APBB2: variants seen among roughly 807,000 people sequenced by gnomAD.
The protein encoded by APBB2 is amyloid beta precursor protein binding family B member 2.
In APBB2, 38 loss-of-function variants were observed where a neutral mutation model predicts 82.5. The observed-to-expected ratio is 0.46, with a 90% CI of 0.36 to 0.60. The LOEUF is 0.60. Ranked by LOEUF, APBB2 falls within the 20% of genes least tolerant of loss-of-function variation. The pLI is 0.00. For missense variants in APBB2, 772 were observed against 972.3 expected, an observed-to-expected ratio of 0.79 and a Z score of 2.74; for synonymous variants, 341 against 368.2, an observed-to-expected ratio of 0.93 and a Z score of 0.85.
chr4:40,906,289 T>C (rs1776678796), intron 10 of APBB2, among the ~76,000 whole-genome samples: 1 of 150,996 alleles, frequency 6.6e-6, no homozygotes, highest in African/African-American at 2.4e-5. Context: ...ACCCTGTTTC[T>C]ACAAAAAAAT....
chr4:40,977,507 T>G (rs1797476632), intron 6 of APBB2, among the ~76,000 whole-genome samples: 1 of 152,140 alleles, frequency 6.6e-6, no homozygotes, highest in Non-Finnish European at 1.5e-5. Context: ...AAGACAGAGT[T>G]TCGCCATGTT....
rs1191918575 is a variant in APBB2 at position 41,119,403 on chromosome 4, T to C, written c.-260-18653A>G. Among the ~76,000 whole-genome samples the C allele has an allele frequency of 2.0e-5, 3 of 151,432 alleles. No homozygotes were observed. The East Asian group carries it at 5.8e-4, about 29-fold the overall frequency. On this transcript the variant is annotated intron_variant, in intron 2 of 17. Transcript: ENST00000508593. ...TATACAACACTAACATGTTTCGGGC[T>C]CCAAGTTCTCCAGCTTAATTCACTA... is the stretch of plus-strand genomic sequence containing the variant.
At position 41,013,792 on chromosome 4, in the gene APBB2, T is replaced by C. The variant is rs1560524603; in HGVS notation, c.626A>G (p.Gln209Arg). The change falls in exon 6 of 18, where the codon CAG becomes CGG. Residue 209 changes from glutamine to arginine, a missense_variant. Coordinates refer to ENST00000508593, the MANE Select transcript of APBB2 (RefSeq NM_004307.2). The part of the protein sequence containing the change: ...TIIGNGDLLL[Q>R]KPNRPQSSPE... The stretch of plus-strand genomic sequence containing the variant: ...GCTGGACTGGGGTCTGTTTGGTTTC[T>C]GCAGCAGCAAATCGCCATTCCCAAT... 2 of 1,614,250 alleles carry C rather than the reference T, an allele frequency of 1.2e-6. No homozygotes were observed. The highest frequency in any genetic ancestry group is 1.1e-5 in the South Asian group (1 of 91,084).
intron 2 of APBB2, among the ~76,000 whole-genome samples, chr4:41,140,138 G>T (rs1199226986): frequency 6.6e-6 from 1 of 152,174 alleles, no homozygotes; most frequent in Non-Finnish European, 1.5e-5. Context: ...AAAACAGAAA[G>T]CTGACTGAGG....
At chr4:40,880,828 G>A in intron 12 of APBB2, 1 of 985,334 alleles carries the variant, frequency 1.0e-6, no homozygotes, top group Non-Finnish European at 1.2e-6. Context: ...GGCTGCTACT[G>A]AAACATGCTC....
chr4:41,195,144 C>T, intron 1 of APBB2, among the ~76,000 whole-genome samples: 1 of 152,132 alleles, frequency 6.6e-6, no homozygotes, highest in East Asian at 1.9e-4. Context: ...CCGTTATACT[C>T]CCAAACCTAC....
chr4:40,865,207 T>C (rs919297119), intron 12 of APBB2, among the ~76,000 whole-genome samples: 9 of 152,198 alleles, frequency 5.9e-5, no homozygotes, highest in Non-Finnish European at 1.2e-4. Flanking sequence ...CGCCCTGGCT[T>C]GCTCTCCCTG....
chr4:41,172,503 A>G (rs1768588815), intron 1 of APBB2, among the ~76,000 whole-genome samples: 1 of 152,160 alleles, frequency 6.6e-6, no homozygotes, highest in East Asian at 1.9e-4. Flanking sequence ...AACTACCACC[A>G]TTTCAAATGA....
At chr4:41,204,394 G>A (rs1020225037) in intron 1 of APBB2, among the ~76,000 whole-genome samples, 9 of 152,162 alleles carry the variant, frequency 5.9e-5, no homozygotes, top group African/African-American at 1.7e-4. Context: ...AACCGAGGTG[G>A]GAGGGAAGGT....
At chr4:41,204,475 A>G (rs7685311) in intron 1 of APBB2, among the ~76,000 whole-genome samples, 27,364 of 152,080 alleles carry the variant, frequency 0.18, 3,104 homozygotes, top group African/African-American at 0.32. Flanking sequence ...GAACCATAAG[A>G]TAGAGGTCCA....
rs115674004 is a variant in APBB2, at chr4:40,864,120, G to A, written c.1529+26244C>T. ...ACAAATACAAATATTAGCTGGGTGTGGTGGCGCCGAGTAATCTCAGCTACT... is the reference window on the plus strand; with the variant it reads ...ACAAATACAAATATTAGCTGGGTGTAGTGGCGCCGAGTAATCTCAGCTACT... On this transcript the variant is annotated intron_variant, in intron 12 of 17. Transcript: ENST00000508593. Among the ~76,000 whole-genome samples the A allele has an allele frequency of 3.9e-3, 592 of 152,112 alleles. 4 individuals are homozygous for A. Among genetic ancestry groups the A allele is most frequent in the African/African-American group, 0.013 (536 of 41,502 alleles).
intron 12 of APBB2, among the ~76,000 whole-genome samples, chr4:40,833,336 C>T (rs1006229012): frequency 2.6e-5 from 4 of 152,174 alleles, no homozygotes; most frequent in African/African-American, 9.7e-5. Flanking sequence ...TCCCACTGCA[C>T]GGCACTCCCC....
At chr4:40,878,465 C>T (rs1303334355) in intron 12 of APBB2, among the ~76,000 whole-genome samples, 1 of 152,182 alleles carries the variant, frequency 6.6e-6, no homozygotes, top group Non-Finnish European at 1.5e-5. Flanking sequence ...TTGTCCTCCC[C>T]ATCACGTTAC....
chr4:41,017,299 T>C (rs1395197171), intron 5 of APBB2, among the ~76,000 whole-genome samples: 3 of 152,232 alleles, frequency 2.0e-5, no homozygotes, highest in African/African-American at 4.8e-5. Flanking sequence ...AGTTCAATTC[T>C]AGAGCTACGG....
chr4:40,974,732 C>T (rs918051651), intron 6 of APBB2, among the ~76,000 whole-genome samples: 3 of 152,214 alleles, frequency 2.0e-5, no homozygotes, highest in Admixed American at 6.5e-5. Context: ...CGACTCACTA[C>T]TTTGGGCTGG....
chr4:40,873,699 T>G (rs534683938), intron 12 of APBB2, among the ~76,000 whole-genome samples: 2 of 152,372 alleles, frequency 1.3e-5, no homozygotes, highest in African/African-American at 4.8e-5. Flanking sequence ...TGTGCACTAT[T>G]ATTCTCTGAT....
chr4:40,928,995 G>A (rs1202203891), intron 10 of APBB2, among the ~76,000 whole-genome samples: 2 of 149,674 alleles, frequency 1.3e-5, no homozygotes, highest in African/African-American at 4.9e-5. Flanking sequence ...GGCATTAGAA[G>A]AAAAACTGGT....
intron 12 of APBB2, chr4:40,857,147 G>C: frequency 1.9e-5 from 19 of 985,494 alleles, no homozygotes; most frequent in Non-Finnish European, 2.3e-5. Flanking sequence ...ACTGCCCCGG[G>C]CTCAAGTTGA....
chr4:41,054,700 T>G (rs1336621626), intron 4 of APBB2, among the ~76,000 whole-genome samples: 1 of 152,130 alleles, frequency 6.6e-6, no homozygotes, highest in East Asian at 1.9e-4. Flanking sequence ...ATATAAAGTA[T>G]AAATGGGCAG....
Sources: allele counts gnomAD v4.1 joint callset (sites outside exome capture counted in the v4.1 genomes callset), GRCh38; gene constraint gnomAD v4.1.1; transcripts MANE v1.5; gene names NCBI Gene and HGNC (gene_info 2026-07-23, HGNC 2026-07-21).